Variants in DAB1 observed in about 807,000 individuals in gnomAD.
The protein encoded by DAB1 is DAB adaptor protein 1.
DAB1 carries 15 observed loss-of-function variants against 64.6 expected under a neutral mutation model. The observed-to-expected ratio is 0.23, with a 90% CI of 0.16 to 0.36. The LOEUF (loss-of-function observed/expected upper bound fraction) is 0.36. Among genes scored for constraint, DAB1 ranks in the 10% least tolerant of loss-of-function variants. The pLI is 1.00. For synonymous variants in DAB1, 235 were observed against 251.9 expected (o/e 0.93, Z 0.64); for missense variants, 596 against 706.7 (o/e 0.84, Z 1.78).
intron 3 of DAB1, among the ~76,000 whole-genome samples, chr1:58,449,477 A>G (rs553272265): frequency 1.3e-5 from 2 of 152,310 alleles, no homozygotes; most frequent in South Asian, 2.1e-4. Context: ...ATGGGTGAGA[A>G]TAGGATAGGA....
At chr1:57,856,232 T>C (rs1299155489) in intron 1 of DAB1, among the ~76,000 whole-genome samples, 6 of 152,076 alleles carry the variant, frequency 3.9e-5, no homozygotes, top group African/African-American at 1.4e-4. Context: ...AGTAAGATCA[T>C]GCCCGCCTTA....
chr1:57,773,700 C>T (rs1649667427), intron 6 of DAB1, among the ~76,000 whole-genome samples: 1 of 151,850 alleles, frequency 6.6e-6, no homozygotes, highest in Non-Finnish European at 1.5e-5. Flanking sequence ...CGATGAGGGT[C>T]TAGTACTTTT....
intron 1 of DAB1, among the ~76,000 whole-genome samples, chr1:57,882,146 T>C (rs1209517582): frequency 1.3e-5 from 2 of 152,152 alleles, no homozygotes; most frequent in African/African-American, 4.8e-5. Flanking sequence ...CACAGTATGA[T>C]AGAGAGTTGG....
chr1:57,059,005 GAC>G (rs1258682671), intron 9 of DAB1, among the ~76,000 whole-genome samples: 1 of 152,214 alleles, frequency 6.6e-6, no homozygotes, highest in African/African-American at 2.4e-5. Context: ...AGCCCAGAGA[GAC>G]TGAGTACTCT....
chr1:57,272,297 T>C (rs1444503647), intron 2 of DAB1, among the ~76,000 whole-genome samples: 1 of 152,166 alleles, frequency 6.6e-6, no homozygotes, highest in Non-Finnish European at 1.5e-5. Flanking sequence ...TGTAACTTCT[T>C]AAAAGGCAGG....
At chr1:57,076,737 C>T (rs1033698669) in intron 4 of DAB1, among the ~76,000 whole-genome samples, 6 of 152,204 alleles carry the variant, frequency 3.9e-5, no homozygotes, top group Non-Finnish European at 8.8e-5. Flanking sequence ...TGACATGTTG[C>T]CCATCCAAGG....
At chr1:57,542,371 C>A (rs1415310205) in intron 7 of DAB1, among the ~76,000 whole-genome samples, 2 of 151,120 alleles carry the variant, frequency 1.3e-5, no homozygotes, top group African/African-American at 4.9e-5. Context: ...TGGGCCACAC[C>A]CCCTAGGGTC....
chr1:57,499,581 G>C (rs1267222821), intron 7 of DAB1, among the ~76,000 whole-genome samples: 1 of 152,184 alleles, frequency 6.6e-6, no homozygotes, highest in East Asian at 1.9e-4. Context: ...GGTTGAGTTT[G>C]TCCCGGACTG....
downstream of DAB1, among the ~76,000 whole-genome samples, chr1:57,823,341 G>T (rs2101897297): frequency 6.6e-6 from 1 of 152,054 alleles, no homozygotes; most frequent in East Asian, 1.9e-4. Flanking sequence ...CAAGTGGAAG[G>T]GATTCTAAAC....
At chr1:58,427,984 T>C (rs76578617) in intron 3 of DAB1, among the ~76,000 whole-genome samples, 2,921 of 152,270 alleles carry the variant, frequency 0.019, 105 homozygotes, top group African/African-American at 0.067. Context: ...AAATATATCA[T>C]TGGTCCCTTT....
intron 5 of DAB1, among the ~76,000 whole-genome samples, chr1:58,091,106 C>CT (rs1345038854): frequency 5.9e-5 from 9 of 152,206 alleles, no homozygotes; most frequent in African/African-American, 2.2e-4. Flanking sequence ...CCTACAGACT[C>CT]CTTAGCCCCC....
At chr1:57,485,781 C>G (rs1180742361) in intron 7 of DAB1, among the ~76,000 whole-genome samples, 2 of 152,076 alleles carry the variant, frequency 1.3e-5, no homozygotes, top group East Asian at 3.9e-4. Context: ...AGCATGCACT[C>G]AGTACATCCT....
chr1:57,733,334 C>T (rs910545645), intron 6 of DAB1, among the ~76,000 whole-genome samples: 31 of 151,858 alleles, frequency 2.0e-4, no homozygotes, highest in African/African-American at 7.2e-4. Context: ...GTCTGTCTTG[C>T]CTTCCTAGAA....
chr1:58,406,235 T>A (rs1249792340), intron 3 of DAB1, among the ~76,000 whole-genome samples: 1 of 152,132 alleles, frequency 6.6e-6, no homozygotes, highest in Non-Finnish European at 1.5e-5. Context: ...CCCCACTCTG[T>A]GACCCTCAGG....
At chr1:57,363,089 C>T (rs1486602731) in intron 1 of DAB1, among the ~76,000 whole-genome samples, 1 of 152,164 alleles carries the variant, frequency 6.6e-6, no homozygotes. Flanking sequence ...GGTCAGATCA[C>T]TAAAAAGAAA....
At chr1:58,225,535 C>T (rs1282513109) in intron 4 of DAB1, among the ~76,000 whole-genome samples, 1 of 151,940 alleles carries the variant, frequency 6.6e-6, no homozygotes, top group Non-Finnish European at 1.5e-5. Flanking sequence ...CGGCACTATT[C>T]ACAATAGCAA....
chr1:57,629,193 AC>A (rs1645958420), intron 7 of DAB1, among the ~76,000 whole-genome samples: 1 of 152,242 alleles, frequency 6.6e-6, no homozygotes, highest in Non-Finnish European at 1.5e-5. Context: ...GGACACATTT[AC>A]TGTTACATGT....
At chr1:58,431,529 G>T (rs1374241158) in intron 3 of DAB1, among the ~76,000 whole-genome samples, 1 of 130,680 alleles carries the variant, frequency 7.7e-6, no homozygotes, top group African/African-American at 3.0e-5. Context: ...CTGCACTCCA[G>T]CCTGGGCAAT....
intron 4 of DAB1, among the ~76,000 whole-genome samples, chr1:58,188,425 C>T (rs1034939357): frequency 7.9e-5 from 12 of 152,200 alleles, no homozygotes; most frequent in Non-Finnish European, 1.5e-4. Context: ...TGAGCATTCT[C>T]CCCTAAGAGA....
Sources: allele counts gnomAD v4.1 joint callset (sites outside exome capture counted in the v4.1 genomes callset), GRCh38; gene constraint gnomAD v4.1.1; transcripts MANE v1.5; gene names NCBI Gene and HGNC (gene_info 2026-07-23, HGNC 2026-07-21).